The following SP1 variants were observed in gnomAD, a reference collection of about 807,000 sequenced individuals.
The protein encoded by SP1 is transcription factor Sp1.
In SP1, 6 loss-of-function variants were observed where a neutral mutation model predicts 66.3. The observed-to-expected ratio is 0.09, with a 90% CI of 0.05 to 0.18. The LOEUF is 0.18. Among genes scored for constraint, SP1 ranks in the 10% least tolerant of loss-of-function variants. The probability of loss-of-function intolerance (pLI) is 1.00; values close to 1 mark genes in which losing one functional copy is unlikely to be tolerated. For synonymous variants in SP1, 417 were observed against 360.8 expected (o/e 1.16, Z -1.77); for missense variants, 848 against 964.5 (o/e 0.88, Z 1.60).
chr12:53,407,174 A>G (rs2136917482), intron 4 of SP1, among the ~76,000 whole-genome samples: 1 of 150,930 alleles, frequency 6.6e-6, no homozygotes, highest in South Asian at 2.1e-4. Context: ...GATGCATATA[A>G]TCCCAGCACT....
rs1938096397 is a variant in SP1 at position 53,381,510 on chromosome 12, C to G, written c.8-149C>G. 6 of 630,424 alleles carry G rather than the reference C, an allele frequency of 9.5e-6. No homozygotes were observed. In the South Asian group the frequency reaches 1.1e-4, roughly 12 times the overall value. The allele number at this position is 630,424 out of a possible 1,614,324, so 39.1% of individuals were successfully genotyped here. On this transcript the variant is annotated intron_variant, in intron 1 of 5. Transcript: ENST00000327443. ...TTCATGTCCTGCATGCCCTGCAGCTCCCCTCTGCCCTCCAATCCATTTTCT... is the reference window on the plus strand; with the variant it reads ...TTCATGTCCTGCATGCCCTGCAGCTGCCCTCTGCCCTCCAATCCATTTTCT...
At chr12:53,380,863 C>T (rs1212209834) in intron 1 of SP1, among the ~76,000 whole-genome samples, 1 of 151,306 alleles carries the variant, frequency 6.6e-6, no homozygotes, top group African/African-American at 2.4e-5. Flanking sequence ...AGTTCCTTAG[C>T]AGTATTCACA....
chr12:53,394,281 T>C (rs1023668276), intron 3 of SP1, among the ~76,000 whole-genome samples: 2 of 151,920 alleles, frequency 1.3e-5, no homozygotes, highest in Admixed American at 1.3e-4. Context: ...ATGAAAAAAA[T>C]AAATTTTGTG....
At chr12:53,407,610 C>T (rs1938773949) in intron 4 of SP1, among the ~76,000 whole-genome samples, 1 of 151,026 alleles carries the variant, frequency 6.6e-6, no homozygotes, top group Non-Finnish European at 1.5e-5. Flanking sequence ...AGACGTGAGC[C>T]ACTGCACCTG....
chr12:53,408,763 G>A (rs1429970815), intron 4 of SP1, among the ~76,000 whole-genome samples: 3 of 151,910 alleles, frequency 2.0e-5, no homozygotes, highest in African/African-American at 4.8e-5. Context: ...AAAATTAGCC[G>A]GGTGTGGTGG....
rs1375417427 is a variant in SP1, at chr12:53,406,659, G to C, written c.1750G>C (p.Glu584Gln). Residue 584 changes from glutamate (E) to glutamine (Q), a missense_variant, in exon 4 of 6, where the codon GAA (glutamate) becomes CAA (glutamine). Physicochemically the swap from Glu to Gln is conservative, Grantham distance 29. Transcript: ENST00000327443. ...GIHDDTAGGE[E>Q]GENSPDAQPQ... ...ACATGATGACACAGCAGGTGGAGAG[G>C]AAGGAGAAAACAGCCCAGATGCCCA... 6.2e-7 allele frequency: 1 copy of C among 1,614,082 alleles called. No homozygotes were observed. Among genetic ancestry groups the C allele is most frequent in the Non-Finnish European group, 8.5e-7 (1 of 1,180,000 alleles).
chr12:53,396,222 A>T (rs1461710145), intron 3 of SP1, among the ~76,000 whole-genome samples: 2 of 149,830 alleles, frequency 1.3e-5, no homozygotes, highest in African/African-American at 4.9e-5. Context: ...CAGAGCTTAC[A>T]GTGAGCTAAC....
At position 53,412,709 on chromosome 12, in the gene SP1, A is replaced by G. The variant is rs1052364366; in HGVS notation, c.*1469A>G. 1.3e-5 allele frequency: 2 copies of G among 152,638 alleles called. No homozygotes were observed. Among genetic ancestry groups the G allele is most frequent in the African/African-American group, 2.4e-5 (1 of 41,452 alleles). The allele number at this position is 152,638 out of a possible 1,614,324, so 9.5% of individuals were successfully genotyped here. On this transcript the variant is annotated 3_prime_UTR_variant, in exon 6 of 6. Coordinates refer to ENST00000327443, the MANE Select transcript of SP1 (RefSeq NM_138473.3). ...AAATCTTGTCTTACCACAGTGTTTTATAGGAGAGATTGGGAGAAATCATCC... is the reference window on the plus strand; with the variant it reads ...AAATCTTGTCTTACCACAGTGTTTTGTAGGAGAGATTGGGAGAAATCATCC...
At position 53,411,194 on chromosome 12, in the gene SP1, A is replaced by G. The variant is rs1297856374; in HGVS notation, c.2312A>G (p.Gln771Arg). 4 of 1,613,646 alleles carry G rather than the reference A, an allele frequency of 2.5e-6. No homozygotes were observed. The highest frequency in any genetic ancestry group is 3.3e-5 in the Admixed American group (2 of 60,006). Residue 771 changes from glutamine to arginine, a missense_variant, in exon 6 of 6, where the codon CAG (glutamine) becomes CGG (arginine). By Grantham distance (43) the Gln-to-Arg change is conservative (BLOSUM62 1). Coordinates refer to ENST00000327443, the MANE Select transcript of SP1 (RefSeq NM_138473.3). The part of the protein sequence containing the change: ...RLANSGINVM[Q>R]VADLQSINIS... ...GCCAACAGTGGCATCAACGTCATGC[A>G]GGTGGCAGATCTGCAGTCCATTAAT...
chr12:53,387,739 A>G (rs1938262954), intron 3 of SP1, among the ~76,000 whole-genome samples: 1 of 152,166 alleles, frequency 6.6e-6, no homozygotes, highest in African/African-American at 2.4e-5. Flanking sequence ...TAATCCCAGC[A>G]CTTTGGGAGA....
At chr12:53,390,567 C>CAGCT (rs879527473) in intron 3 of SP1, among the ~76,000 whole-genome samples, 1 of 152,002 alleles carries the variant, frequency 6.6e-6, no homozygotes, top group Non-Finnish European at 1.5e-5. Context: ...CCTGTAGTCC[C>CAGCT]AGCTAGTCAG....
rs779691998 is a variant in SP1, at chr12:53,382,300, C to T, written c.353C>T (p.Pro118Leu). ...QIISSSSGAT[P>L]TSKEQSGSST... ...ATCTCTTCCTCCTCTGGGGCTACCC[C>T]TACCTCAAAGGAACAGAGTGGCAGC... The change falls in exon 3 of 6, where the codon CCT (proline) becomes CTT (leucine). Residue 118 changes from proline to leucine, a missense_variant. By Grantham distance (98) the Pro-to-Leu change is moderately conservative. This residue lies in a region of SP1 where 606 missense variants were observed against 589.9 expected (regional missense o/e 1.03). Transcript: ENST00000327443. The T allele has an allele frequency of 1.9e-6, 3 of 1,614,182 alleles. No individual in the cohort carries two copies. Among genetic ancestry groups the T allele is most frequent in the Non-Finnish European group, 1.7e-6 (2 of 1,180,026 alleles).
At chr12:53,386,479 CTTT>C (rs372557385) in intron 3 of SP1, among the ~76,000 whole-genome samples, 2 of 121,260 alleles carry the variant, frequency 1.6e-5, no homozygotes, top group Non-Finnish European at 3.4e-5. Flanking sequence ...TAGACTGTAT[CTTT>C]TTTTTTTTTT....
chr12:53,403,600 C>T (rs1938661075), intron 3 of SP1, among the ~76,000 whole-genome samples: 2 of 151,816 alleles, frequency 1.3e-5, no homozygotes, highest in Admixed American at 6.6e-5. Context: ...AAGAATCCTC[C>T]TGCCTTGGCC....
chr12:53,389,843 G>T (rs1048344180), intron 3 of SP1, among the ~76,000 whole-genome samples: 1 of 152,136 alleles, frequency 6.6e-6, no homozygotes, highest in African/African-American at 2.4e-5. Context: ...AATAAAGAGT[G>T]CAGGGCTGGG....
chr12:53,381,214 A>G (rs180797480), intron 1 of SP1: 1 of 152,906 alleles, frequency 6.5e-6, no homozygotes, highest in Non-Finnish European at 1.5e-5. Context: ...CCGCCTCCCA[A>G]AGTAATGGGA....
chr12:53,382,711 A>G lies in SP1; in HGVS notation c.764A>G (p.Asn255Ser), dbSNP rs774043045. 1.4e-5 allele frequency: 22 copies of G among 1,614,010 alleles called. No homozygotes were observed. The highest frequency in any genetic ancestry group is 4.0e-5 in the African/African-American group (3 of 74,916). The stretch of plus-strand genomic sequence containing the variant: ...TCAGGACAGACTCAGTATGTGACCA[A>G]TGTACCAGTGGCCCTGAATGGGAAC... ...VLSGQTQYVT[N>S]VPVALNGNIT... is the part of the protein sequence containing the mutation. The change falls in exon 3 of 6, where the codon AAT becomes AGT. Residue 255 changes from asparagine to serine, a missense_variant. Coordinates refer to ENST00000327443, the MANE Select transcript of SP1 (RefSeq NM_138473.3).
At chr12:53,406,136 G>A (rs945010232) in intron 3 of SP1, among the ~76,000 whole-genome samples, 1 of 137,230 alleles carries the variant, frequency 7.3e-6, no homozygotes, top group Non-Finnish European at 1.5e-5. Flanking sequence ...CAATGGTGCA[G>A]TCTCGCTAAC....
intron 2 of SP1, 141 bp downstream of exon 2, chr12:53,381,954 A>G (rs1938110175): frequency 6.7e-6 from 8 of 1,190,322 alleles, no homozygotes; most frequent in Non-Finnish European, 9.4e-6. Context: ...GAGATCCCCA[A>G]AGACAAAGGA....
Sources: allele counts gnomAD v4.1 joint callset (sites outside exome capture counted in the v4.1 genomes callset), GRCh38; gene constraint gnomAD v4.1.1; regional missense constraint gnomAD v4.1.1; transcripts MANE v1.5; gene names NCBI Gene and HGNC (gene_info 2026-07-23, HGNC 2026-07-21).